The following MYO3B variants were observed in gnomAD, a reference collection of about 807,000 sequenced individuals.
MYO3B encodes myosin IIIB, also known as myosin-IIIb.
Under a neutral mutation model 174.6 loss-of-function variants are expected in MYO3B, and 156 were observed. The observed-to-expected ratio is 0.89, with a 90% CI of 0.78 to 1.02. MYO3B has a LOEUF of 1.02. MYO3B is among the 50% of genes least tolerant of loss of function. The probability of loss-of-function intolerance (pLI) is 0.00; values close to 1 mark genes in which losing one functional copy is unlikely to be tolerated. For synonymous variants in MYO3B, 563 were observed against 569.1 expected, an observed-to-expected ratio of 0.99 and a Z score of 0.15; for missense variants, 1,632 against 1,639.4, an observed-to-expected ratio of 1.00 and a Z score of 0.08.
intron 16 of MYO3B, among the ~76,000 whole-genome samples, chr2:170,396,304 C>T (rs1040014115): frequency 3.9e-5 from 6 of 152,046 alleles, no homozygotes; most frequent in Non-Finnish European, 8.8e-5. Context: ...GTTGGGGAGA[C>T]AATAAGAAAA....
intron 32 of MYO3B, among the ~76,000 whole-genome samples, chr2:170,551,880 T>A (rs1237088240): frequency 6.8e-6 from 1 of 147,304 alleles, no homozygotes. Flanking sequence ...GAATGAGTTC[T>A]TGTGAGATCT....
chr2:170,621,523 G>GTT, intron 32 of MYO3B, among the ~76,000 whole-genome samples: 1 of 149,906 alleles, frequency 6.7e-6, no homozygotes, highest in East Asian at 2.0e-4. Context: ...TTGTTTTTTT[G>GTT]TTTTTGAGAC....
Position 170,200,254 on chromosome 2 carries a change from T to G in MYO3B, c.291T>G (p.Cys97Trp), listed in dbSNP as rs778629887. The change falls in exon 3 of 35, where the codon TGT becomes TGG. Residue 97 changes from cysteine (C) to tryptophan (W), a missense_variant. By Grantham distance (215) the Cys-to-Trp change is radical. Coordinates refer to ENST00000408978, the MANE Select transcript of MYO3B (RefSeq NM_138995.5). The stretch of plus-strand genomic sequence containing the variant: ...GGATGTTTTACAAAGCGGATCACTG[T>G]GTAGGGGGACAGCTGTGGCTGGTCC... ...FYGMFYKADH[C>W]VGGQLWLVLE... 3 of 1,612,900 alleles carry G rather than the reference T, an allele frequency of 1.9e-6. No homozygotes were observed. The highest frequency in any genetic ancestry group is 2.5e-6 in the Non-Finnish European group (3 of 1,179,424).
intron 7 of MYO3B, among the ~76,000 whole-genome samples, chr2:170,242,192 A>C (rs1250246082): frequency 1.3e-5 from 2 of 152,170 alleles, no homozygotes; most frequent in Admixed American, 1.3e-4. Flanking sequence ...TCCAAGCTTC[A>C]CTCATAAAGC....
intron 22 of MYO3B, among the ~76,000 whole-genome samples, chr2:170,440,498 T>C (rs1230438619): frequency 1.3e-5 from 2 of 152,222 alleles, no homozygotes; most frequent in Non-Finnish European, 2.9e-5. Flanking sequence ...TTTTGCCTCC[T>C]TGATTAAATT....
At chr2:170,640,595 A>T (rs1166542618) in intron 32 of MYO3B, 1 of 152,216 alleles carries the variant, frequency 6.6e-6, no homozygotes, top group African/African-American at 2.4e-5. Context: ...ATAATTTCTT[A>T]TGTAAAATAA....
At position 170,219,230 on chromosome 2, in the gene MYO3B, G is replaced by A. The variant is rs565976481; in HGVS notation, c.603+1835G>A. Among the ~76,000 whole-genome samples, 9 of 152,304 alleles carry A rather than the reference G, an allele frequency of 5.9e-5. No individual in the cohort carries two copies. In the East Asian group the frequency reaches 1.7e-3, roughly 29 times the overall value. ...CGTCCTTAGACCCTCCCTTAATACA[G>A]TATCACCACTGCATTGTAGTTGTTG... On this transcript the variant is annotated intron_variant, in intron 6 of 34. Transcript: ENST00000408978.
intron 25 of MYO3B, among the ~76,000 whole-genome samples, chr2:170,487,664 G>C (rs1686153544): frequency 1.3e-5 from 2 of 152,208 alleles, no homozygotes; most frequent in African/African-American, 2.4e-5. Context: ...ACTTAGGGCT[G>C]TGCAGATCTC....
intron 22 of MYO3B, among the ~76,000 whole-genome samples, chr2:170,441,613 G>T (rs1257781507): frequency 1.3e-5 from 2 of 152,328 alleles, no homozygotes; most frequent in South Asian, 4.1e-4. Flanking sequence ...CTTAATAAGG[G>T]GTAGATTTGT....
intron 32 of MYO3B, among the ~76,000 whole-genome samples, chr2:170,609,895 C>T (rs1695031839): frequency 1.3e-5 from 2 of 152,284 alleles, no homozygotes; most frequent in South Asian, 4.1e-4. Flanking sequence ...GGGGCCAGGC[C>T]CTGGCCATGT....
chr2:170,652,198 G>T (rs780509913), intron 34 of MYO3B, 44 bp downstream of exon 34: 3 of 1,566,718 alleles, frequency 1.9e-6, no homozygotes, highest in Non-Finnish European at 2.6e-6. Flanking sequence ...TAAACAGAAG[G>T]GGTCCTTTGT....
chr2:170,347,368 G>A (rs1434211173), intron 8 of MYO3B, among the ~76,000 whole-genome samples: 1 of 152,200 alleles, frequency 6.6e-6, no homozygotes, highest in African/African-American at 2.4e-5. Context: ...TTGGTAGGCT[G>A]AGGCAGACAG....
intron 32 of MYO3B, chr2:170,602,249 C>CT: frequency 1.1e-6 from 1 of 876,334 alleles, no homozygotes; most frequent in Non-Finnish European, 1.9e-6. Context: ...TTTTCCTCAG[C>CT]GAGGCACACA....
chr2:170,639,117 G>A (rs1424320249), intron 32 of MYO3B, among the ~76,000 whole-genome samples: 2 of 152,176 alleles, frequency 1.3e-5, no homozygotes, highest in East Asian at 1.9e-4. Context: ...ATATCCGCAA[G>A]CACTTAAAAT....
chr2:170,200,079 C>A, intron 2 of MYO3B, 71 bp from the exon 3 acceptor site: 2 of 1,444,580 alleles, frequency 1.4e-6, no homozygotes, highest in South Asian at 1.3e-5. Flanking sequence ...AGTACTTGAG[C>A]ATGATGTCAT....
At chr2:170,188,494 C>T (rs189915654) in intron 1 of MYO3B, among the ~76,000 whole-genome samples, 2 of 151,890 alleles carry the variant, frequency 1.3e-5, no homozygotes, top group African/African-American at 2.4e-5. Flanking sequence ...TTAATTCTGC[C>T]ATTTTGTCAT....
At chr2:170,432,581 T>G (rs1175776702) in intron 22 of MYO3B, among the ~76,000 whole-genome samples, 1 of 142,546 alleles carries the variant, frequency 7.0e-6, no homozygotes, top group African/African-American at 2.8e-5. Context: ...AAAAAGAAAT[T>G]TTTTTTTTTT....
Position 170,473,606 on chromosome 2 carries a change from A to G in MYO3B, c.3014+6895A>G, listed in dbSNP as rs151147648. ...TAGAATGTAAGATTTCAGGTAAGTC[A>G]TAGTAGCTCTTTATCAATAAAAGGT... On this transcript the variant is annotated intron_variant, in intron 25 of 34. Transcript: ENST00000408978. Among the ~76,000 whole-genome samples, 307 of 152,332 alleles carry G rather than the reference A, an allele frequency of 2.0e-3. 2 individuals carry two copies. Among genetic ancestry groups the G allele is most frequent in the Non-Finnish European group, 2.9e-3 (197 of 68,024 alleles).
At chr2:170,334,143 G>T (rs2093930848) in intron 7 of MYO3B, 2 of 152,178 alleles carry the variant, frequency 1.3e-5, no homozygotes, top group Non-Finnish European at 2.9e-5. Flanking sequence ...TAAAAAGAAA[G>T]AAGGGGGAAG....
Sources: gnomAD v4.1 joint callset for allele counts (sites outside exome capture counted in the v4.1 genomes callset) on GRCh38, gnomAD v4.1.1 for gene constraint, MANE v1.5 for transcripts, NCBI Gene and HGNC (gene_info 2026-07-23, HGNC 2026-07-21) for gene names.